The following SETD1B variants were observed in gnomAD, a reference collection of about 807,000 sequenced individuals.
SETD1B encodes histone-lysine N-methyltransferase SETD1B.
Under a neutral mutation model 148.0 loss-of-function variants are expected in SETD1B, and 7 were observed. That is an observed-to-expected ratio of 0.05 (90% CI 0.03 to 0.09). The LOEUF (loss-of-function observed/expected upper bound fraction) is 0.09, where lower values mean the gene tolerates loss of function less well. Among genes scored for constraint, SETD1B ranks in the 10% least tolerant of loss-of-function variants. SETD1B has a pLI of 1.00. For synonymous variants in SETD1B, 1,361 were observed against 1,186.5 expected, an observed-to-expected ratio of 1.15 and a Z score of -3.02; for missense variants, 2,155 against 2,729.9, an observed-to-expected ratio of 0.79 and a Z score of 4.69.
intron 13 of SETD1B, 46 bp downstream of exon 13, chr12:121,825,412 C>T: frequency 6.6e-7 from 1 of 1,516,204 alleles, no homozygotes; most frequent in South Asian, 1.2e-5. Flanking sequence ...TGGGCTGGGC[C>T]ACGGGGATCC....
intron 10 of SETD1B, 133 bp downstream of exon 10, chr12:121,818,037 A>G (rs991064330): frequency 1.1e-6 from 1 of 874,362 alleles, no homozygotes; most frequent in Admixed American, 3.0e-5. Flanking sequence ...TAAAACACAC[A>G]CACAGGGTGG....
At chr12:121,811,968 C>T (rs1294290243) in intron 6 of SETD1B, among the ~76,000 whole-genome samples, 3 of 152,200 alleles carry the variant, frequency 2.0e-5, no homozygotes, top group Non-Finnish European at 4.4e-5. Flanking sequence ...TCCTCCGCTC[C>T]GTCTAGGCTG....
chr12:121,809,920 C>G lies in SETD1B; in HGVS notation c.975C>G (p.His325Gln), dbSNP rs972538974. Residue 325 changes from histidine (H) to glutamine (Q), a missense_variant, in exon 6 of 17, where the codon CAC becomes CAG. His to Gln is a conservative substitution (Grantham distance 24). Transcript: ENST00000604567. ...SKFTDAYNRRHEHHYVHNSPA... is the reference protein window; with the variant it reads ...SKFTDAYNRRQEHHYVHNSPA... ...TCACGGACGCCTACAACCGCCGCCA[C>G]GAACATCATTATGTACACAATTCTC... The G allele has an allele frequency of 1.9e-6, 3 of 1,551,014 alleles. No homozygotes were observed. Among genetic ancestry groups the G allele is most frequent in the Non-Finnish European group, 2.6e-6 (3 of 1,146,984 alleles).
intron 13 of SETD1B, 44 bp from the exon 14 acceptor site, chr12:121,827,475 G>A: frequency 6.7e-7 from 1 of 1,495,358 alleles, no homozygotes; most frequent in Non-Finnish European, 8.9e-7. Context: ...GGACCGCCGA[G>A]GACACGGCCA....
At chr12:121,819,985 C>G in intron 11 of SETD1B, 90 bp downstream of exon 11, 1 of 1,064,966 alleles carries the variant, frequency 9.4e-7, no homozygotes, top group Non-Finnish European at 1.3e-6. Flanking sequence ...GGGTAGATCG[C>G]TGACCGTCCC....
At chr12:121,801,197 CGAAAG>C (rs1875343259), upstream of SETD1B, 1 of 152,330 alleles carries the variant, frequency 6.6e-6, no homozygotes, top group African/African-American at 2.4e-5. Context: ...TCCTCACGAT[CGAAAG>C]GAAAGTGGGC....
chr12:121,817,059 C>T lies in SETD1B; in HGVS notation c.2742C>T (p.Gly914=), dbSNP rs564404263. ...AKASLTPVKS[G]EHKDEDRPKP... is the part of the protein sequence containing the mutation. Reference sequence around the variant, plus strand: ...CCTCGCTGACCCCGGTGAAGTCGGGCGAGCACAAGGACGAGGACAGGCCGA... The same window carrying T: ...CCTCGCTGACCCCGGTGAAGTCGGGTGAGCACAAGGACGAGGACAGGCCGA... Residue 914 remains glycine (G), a synonymous_variant, in exon 8 of 17, where the codon GGC becomes GGT. Coordinates refer to ENST00000604567, the MANE Select transcript of SETD1B (RefSeq NM_001353345.2). This position sits in a 1 kb window ranked among gnomAD's most constrained non-coding sequence, Gnocchi z 8.1. The T allele has an allele frequency of 9.7e-5, 149 of 1,534,388 alleles. No individual in the cohort carries two copies. Among genetic ancestry groups the T allele is most frequent in the Admixed American group, 8.0e-4 (40 of 50,128 alleles).
rs1366733581 is a variant in SETD1B at position 121,831,417 on chromosome 12, C to T, written c.*1178C>T. 6.6e-6 allele frequency: 1 copy of T among 151,788 alleles called. No individual in the cohort carries two copies. The highest frequency in any genetic ancestry group is 2.4e-5 in the African/African-American group (1 of 41,336). 9.4% of individuals were successfully genotyped at this position (151,788 alleles called of 1,614,324 possible). A position where few individuals can be genotyped will look rare whatever the true frequency, so the allele number is the denominator to read the frequency against. On this transcript the variant is annotated 3_prime_UTR_variant, in exon 17 of 17. Coordinates refer to ENST00000604567, the MANE Select transcript of SETD1B (RefSeq NM_001353345.2). The stretch of plus-strand genomic sequence containing the variant: ...TGACGGTTTTTTTTTCCCTTTTGAC[C>T]CCCTTCCCATCTCTTCAGAATTTAT...
In SETD1B at chr12:121,810,766, G is replaced by A; in HGVS notation, c.1821G>A (p.Leu607=). Residue 607 remains leucine (L), a synonymous_variant, in exon 6 of 17, where the codon CTG becomes CTA. Transcript: ENST00000604567. The surrounding 1 kb of genome is among the most constrained non-coding windows in gnomAD (Gnocchi z 7.6). The part of the protein sequence containing the change: ...EPGPPDPAGL[L]SQTAEVALDL... ...GCCCCCCGGACCCTGCTGGGCTTCT[G>A]AGCCAGACAGCTGAGGTGGCCTTGG... 1 of 1,547,974 alleles carries A rather than the reference G, an allele frequency of 6.5e-7. No homozygotes were observed. The highest frequency in any genetic ancestry group is 8.7e-7 in the Non-Finnish European group (1 of 1,144,554).
rs901321299 is a variant in SETD1B at position 121,805,669 on chromosome 12, A to ATTTTTTTTTTCCAAAAAAAATT, written c.274-155_274-134dup. On this transcript the variant is annotated intron_variant, in intron 3 of 16. Coordinates refer to ENST00000604567, the MANE Select transcript of SETD1B (RefSeq NM_001353345.2). This position sits in a 1 kb window ranked among gnomAD's most constrained non-coding sequence, Gnocchi z 4.2. The stretch of plus-strand genomic sequence containing the variant: ...CCGCTTCCCGGGCCCGCCCGCGTGC[A>ATTTTTTTTTTCCAAAAAAAATT]TTTTTTTTTTCCAAAAAAAATTTTT... 1.5e-5 allele frequency among the ~76,000 whole-genome samples: 2 copies of ATTTTTTTTTTCCAAAAAAAATT among 131,358 alleles called. No homozygotes were observed. The highest frequency in any genetic ancestry group is 5.8e-5 in the African/African-American group (2 of 34,710). 86.2% of individuals were successfully genotyped at this position (131,358 alleles called of 152,430 possible). A position where few individuals can be genotyped will look rare whatever the true frequency, so the allele number is the denominator to read the frequency against.
chr12:121,812,640 C>T (rs1372332969), intron 6 of SETD1B, among the ~76,000 whole-genome samples: 4 of 152,100 alleles, frequency 2.6e-5, no homozygotes, highest in African/African-American at 9.7e-5. Context: ...CTCTGTGTGC[C>T]GCGGCGCGCT....
chr12:121,820,531 A>T (rs889070089), intron 11 of SETD1B, among the ~76,000 whole-genome samples: 10 of 151,668 alleles, frequency 6.6e-5, no homozygotes, highest in South Asian at 2.1e-4. Context: ...CTCTTTTTTT[A>T]TTTTTATTTT....
intron 4 of SETD1B, among the ~76,000 whole-genome samples, chr12:121,806,395 G>A (rs1395224944): frequency 6.6e-6 from 1 of 152,166 alleles, no homozygotes; most frequent in Non-Finnish European, 1.5e-5. Flanking sequence ...CCCTCTCTGA[G>A]CCCTGGTGGC....
chr12:121,823,129 G>A lies in SETD1B; in HGVS notation c.4550G>A (p.Arg1517Lys). The change falls in exon 12 of 17, where the codon AGG becomes AAG. Residue 1517 changes from arginine (R) to lysine (K), a missense_variant. Physicochemically the swap from Arg to Lys is conservative, Grantham distance 26. This residue lies in a region of SETD1B where 862 missense variants were observed against 873.8 expected (regional missense o/e 0.99). Transcript: ENST00000604567. ...GCCTCTTGCCCTCCCCCAATGAAGA[G>A]GAAGCCGGGCCGGCCCCGGCGATCC... ...PLASCPPPMK[R>K]KPGRPRRSPP... is the part of the protein sequence containing the mutation. 3 of 1,528,804 alleles carry A rather than the reference G, an allele frequency of 2.0e-6. No homozygotes were observed. In the South Asian group the frequency reaches 3.6e-5, roughly 18 times the overall value. 94.7% of individuals were successfully genotyped at this position (1,528,804 alleles called of 1,614,324 possible). A position where few individuals can be genotyped will look rare whatever the true frequency, so the allele number is the denominator to read the frequency against.
chr12:121,813,684 T>C lies in SETD1B; in HGVS notation c.1891-422T>C, dbSNP rs975486540. 3.3e-5 allele frequency among the ~76,000 whole-genome samples: 5 copies of C among 152,298 alleles called. No individual in the cohort carries two copies. In the East Asian group the frequency reaches 9.6e-4, roughly 29 times the overall value. On this transcript the variant is annotated intron_variant, in intron 6 of 16. Coordinates refer to ENST00000604567, the MANE Select transcript of SETD1B (RefSeq NM_001353345.2). ...ACAAGTTGCAACAGAATCTCTGAAA[T>C]TGCAACAGTTTCATCCTCTGTGCCC...
Position 121,830,413 on chromosome 12 carries a change from G to A in SETD1B, c.*174G>A. 3.5e-6 allele frequency: 2 copies of A among 578,708 alleles called. No individual in the cohort carries two copies. The highest frequency in any genetic ancestry group is 6.0e-6 in the Non-Finnish European group (2 of 333,162). The allele number at this position is 578,708 out of a possible 1,614,324, so 35.8% of individuals were successfully genotyped here. A position where few individuals can be genotyped will look rare whatever the true frequency, so the allele number is the denominator to read the frequency against. On this transcript the variant is annotated 3_prime_UTR_variant, in exon 17 of 17. Coordinates refer to ENST00000604567, the MANE Select transcript of SETD1B (RefSeq NM_001353345.2). This position sits in a 1 kb window ranked among gnomAD's most constrained non-coding sequence, Gnocchi z 5.7. ...CTACCCCCTGGAGCCCCTGGCTCCG[G>A]CCCCTCCGCGGGAAAGGGCTTCTCT...
At chr12:121,821,943 G>A (rs534421742) in intron 11 of SETD1B, among the ~76,000 whole-genome samples, 18 of 152,228 alleles carry the variant, frequency 1.2e-4, no homozygotes, top group Non-Finnish European at 1.6e-4. Flanking sequence ...TTAGCTGGGC[G>A]TGGTGGCACA....
Position 121,817,963 on chromosome 12 carries a change from A to T in SETD1B, c.3418+59A>T. On this transcript the variant is annotated intron_variant, in intron 10 of 16. Transcript: ENST00000604567. The surrounding 1 kb of genome is among the most constrained non-coding windows in gnomAD (Gnocchi z 8.1). ...CGGAGTCCCTCTTTCCCCGGGGCAG[A>T]GCCTGAGCAATTGTCAGAAATACTT... 6.9e-7 allele frequency: 1 copy of T among 1,446,786 alleles called. No homozygotes were observed. 89.6% of individuals were successfully genotyped at this position (1,446,786 alleles called of 1,614,324 possible).
At position 121,829,170 on chromosome 12, in the gene SETD1B, A is replaced by G. The variant is rs992787387; in HGVS notation, c.5728-896A>G. On this transcript the variant is annotated intron_variant, in intron 16 of 16. Transcript: ENST00000604567. ...TTCTCTGAGAGCCAAGGTCGCTGGA[A>G]GGTTGGAGCCATCGGGCAACAGGTT... 7.9e-5 allele frequency among the ~76,000 whole-genome samples: 12 copies of G among 152,278 alleles called. No individual in the cohort carries two copies. The East Asian group carries it at 2.1e-3, about 27-fold the overall frequency.
Sources: gnomAD v4.1 joint callset for allele counts (sites outside exome capture counted in the v4.1 genomes callset) on GRCh38, gnomAD v4.1.1 for gene constraint, gnomAD v4.1.1 regional missense constraint, Gnocchi (gnomAD v3.1) non-coding constraint, MANE v1.5 for transcripts, NCBI Gene and HGNC (gene_info 2026-07-23, HGNC 2026-07-21) for gene names.